The following DPP10 variants were observed in gnomAD, a reference collection of about 807,000 sequenced individuals.
The protein encoded by DPP10 is inactive dipeptidyl peptidase 10.
DPP10 carries 33 observed loss-of-function variants against 120.9 expected under a neutral mutation model. The observed-to-expected ratio is 0.27, with a 90% CI of 0.21 to 0.37. DPP10 has a LOEUF of 0.37. Among genes scored for constraint, DPP10 ranks in the 10% least tolerant of loss-of-function variants. The pLI, the probability that DPP10 is intolerant of heterozygous loss-of-function variation, is 1.00. For missense variants in DPP10, 816 were observed against 942.8 expected, an observed-to-expected ratio of 0.87 and a Z score of 1.76; for synonymous variants, 337 against 326.1, an observed-to-expected ratio of 1.03 and a Z score of -0.36.
intron 1 of DPP10, among the ~76,000 whole-genome samples, chr2:114,693,866 C>T (rs541053952): frequency 1.3e-5 from 2 of 151,900 alleles, no homozygotes; most frequent in African/African-American, 4.8e-5. Context: ...CTACTTGTCT[C>T]CATTTTTCTC....
intron 5 of DPP10, among the ~76,000 whole-genome samples, chr2:115,644,639 G>C (rs1342165687): frequency 6.6e-6 from 1 of 151,512 alleles, no homozygotes; most frequent in Non-Finnish European, 1.5e-5. Flanking sequence ...AAATAGCTAG[G>C]CATGGTGGCG....
chr2:115,734,448 G>C (rs775517259), intron 8 of DPP10, among the ~76,000 whole-genome samples: 3 of 151,908 alleles, frequency 2.0e-5, no homozygotes, highest in Non-Finnish European at 2.9e-5. Context: ...CTGAAGTCTG[G>C]AGTTCGAGAC....
intron 1 of DPP10, among the ~76,000 whole-genome samples, chr2:114,571,739 A>C (rs1689664270): frequency 6.6e-6 from 1 of 151,812 alleles, no homozygotes; most frequent in African/African-American, 2.4e-5. Context: ...GGTTTGAATG[A>C]ACTCTCTGTC....
intron 1 of DPP10, among the ~76,000 whole-genome samples, chr2:114,868,609 T>C (rs939885560): frequency 2.0e-5 from 3 of 152,130 alleles, no homozygotes; most frequent in African/African-American, 7.2e-5. Flanking sequence ...TAACAGGATG[T>C]TTCACTTTGT....
At chr2:115,382,289 G>T (rs146888895) in intron 3 of DPP10, among the ~76,000 whole-genome samples, 5,389 of 152,224 alleles carry the variant, frequency 0.035, 116 homozygotes, top group Middle Eastern at 0.088. Flanking sequence ...CTTTGGAAAA[G>T]TGCAGTATTA....
intron 1 of DPP10, among the ~76,000 whole-genome samples, chr2:114,942,529 A>C (rs1697040097): frequency 1.3e-5 from 2 of 150,866 alleles, no homozygotes; most frequent in Admixed American, 1.3e-4. Flanking sequence ...GAATAAGTCA[A>C]TCTGTCTTTT....
chr2:114,564,129 T>C (rs1688999495), intron 1 of DPP10, among the ~76,000 whole-genome samples: 1 of 152,130 alleles, frequency 6.6e-6, no homozygotes. Flanking sequence ...GTAAAAGAGG[T>C]ATTCTAATGA....
At chr2:114,926,511 G>A (rs1046784903) in intron 1 of DPP10, among the ~76,000 whole-genome samples, 7 of 152,152 alleles carry the variant, frequency 4.6e-5, no homozygotes, top group African/African-American at 1.7e-4. Context: ...CCTCCGCCAG[G>A]ACTGAGCTCA....
intron 1 of DPP10, among the ~76,000 whole-genome samples, chr2:114,858,342 T>C (rs894140128): frequency 1.3e-5 from 2 of 152,186 alleles, no homozygotes; most frequent in African/African-American, 4.8e-5. Context: ...AGGGTAAGGA[T>C]GTCTAATTTT....
chr2:115,838,534 C>A (rs1226825233), intron 24 of DPP10, among the ~76,000 whole-genome samples: 1 of 152,054 alleles, frequency 6.6e-6, no homozygotes, highest in African/African-American at 2.4e-5. Context: ...ATTCACTGTG[C>A]CCTGAAGCCT....
chr2:115,040,632 A>G (rs867620841), intron 1 of DPP10, among the ~76,000 whole-genome samples: 1 of 151,658 alleles, frequency 6.6e-6, no homozygotes, highest in African/African-American at 2.4e-5. Flanking sequence ...CCAGCATTGG[A>G]GGTGGGGCCT....
chr2:115,272,514 T>C (rs2059740768), intron 1 of DPP10, among the ~76,000 whole-genome samples: 1 of 152,374 alleles, frequency 6.6e-6, no homozygotes, highest in Middle Eastern at 3.4e-3. Context: ...CAAGATTACT[T>C]GTTAATTTTC....
At chr2:114,885,032 AT>A (rs1691943808) in intron 1 of DPP10, among the ~76,000 whole-genome samples, 1 of 152,202 alleles carries the variant, frequency 6.6e-6, no homozygotes, top group African/African-American at 2.4e-5. Flanking sequence ...CAAAACGTAT[AT>A]TCCCCACAGG....
intron 1 of DPP10, among the ~76,000 whole-genome samples, chr2:115,100,459 A>ACACACACAC (rs1553488082): frequency 6.7e-6 from 1 of 150,370 alleles, no homozygotes; most frequent in African/African-American, 2.5e-5. Flanking sequence ...TAAATTAAAA[A>ACACACACAC]ACACACACAC....
chr2:115,538,709 A>G (rs776564433), intron 5 of DPP10, among the ~76,000 whole-genome samples: 4 of 152,034 alleles, frequency 2.6e-5, no homozygotes, highest in Non-Finnish European at 5.9e-5. Flanking sequence ...AGGCTGTCAC[A>G]TTAACTTTAA....
chr2:115,696,670 A>G (rs1408301244), intron 7 of DPP10, among the ~76,000 whole-genome samples: 1 of 152,216 alleles, frequency 6.6e-6, no homozygotes, highest in East Asian at 1.9e-4. Flanking sequence ...TTATAAAGAA[A>G]TAAAGATCCC....
intron 1 of DPP10, among the ~76,000 whole-genome samples, chr2:114,874,562 C>T (rs1162592107): frequency 1.3e-5 from 2 of 151,868 alleles, no homozygotes; most frequent in Non-Finnish European, 2.9e-5. Context: ...AAAACAAGCT[C>T]AGGGCTCCCA....
At chr2:115,362,634 G>T (rs956357647) in intron 3 of DPP10, among the ~76,000 whole-genome samples, 2 of 152,070 alleles carry the variant, frequency 1.3e-5, no homozygotes, top group African/African-American at 4.8e-5. Flanking sequence ...TCATATAGTG[G>T]ATACGAAATT....
intron 5 of DPP10, among the ~76,000 whole-genome samples, chr2:115,591,536 C>T (rs570721730): frequency 6.6e-6 from 1 of 152,242 alleles, no homozygotes; most frequent in South Asian, 2.1e-4. Flanking sequence ...GTACCAGTAC[C>T]GTGCTGTTTT....
Sources: allele counts gnomAD v4.1 joint callset (sites outside exome capture counted in the v4.1 genomes callset), GRCh38; gene constraint gnomAD v4.1.1; transcripts MANE v1.5; gene names NCBI Gene and HGNC (gene_info 2026-07-23, HGNC 2026-07-21).